PBX3: variants seen among roughly 807,000 people sequenced by gnomAD.
PBX3 encodes the protein PBX homeobox 3, also known as pre-B-cell leukemia transcription factor 3.
Under a neutral mutation model 48.5 loss-of-function variants are expected in PBX3, and 14 were observed. The observed-to-expected ratio is 0.29, with a 90% CI of 0.19 to 0.45. The LOEUF (loss-of-function observed/expected upper bound fraction) is 0.45, where lower values mean the gene tolerates loss of function less well. PBX3 is among the 20% of genes least tolerant of loss of function. The pLI is 1.00. For synonymous variants in PBX3, 210 were observed against 200.3 expected (o/e 1.05, Z -0.41); for missense variants, 386 against 546.7 (o/e 0.71, Z 2.93).
At chr9:125,862,086 C>G (rs1358331364) in intron 2 of PBX3, among the ~76,000 whole-genome samples, 3 of 152,106 alleles carry the variant, frequency 2.0e-5, no homozygotes, top group African/African-American at 7.2e-5. Context: ...AATCAGGATG[C>G]CTTTTACAGA....
chr9:125,933,759 A>G (rs1422564752), intron 4 of PBX3, among the ~76,000 whole-genome samples: 2 of 152,180 alleles, frequency 1.3e-5, no homozygotes, highest in African/African-American at 2.4e-5. Context: ...CCAATTTTTC[A>G]TAAGAAGTCA....
intron 5 of PBX3, among the ~76,000 whole-genome samples, chr9:125,936,462 G>A (rs774123756): frequency 1.6e-4 from 24 of 152,126 alleles, no homozygotes; most frequent in Non-Finnish European, 2.9e-4. Flanking sequence ...AAAAACTGAC[G>A]CTTGTCAAAA....
chr9:125,928,231 T>A (rs1841624659), intron 3 of PBX3, among the ~76,000 whole-genome samples: 2 of 151,712 alleles, frequency 1.3e-5, no homozygotes, highest in South Asian at 4.2e-4. Context: ...CATAAAAAAT[T>A]AGCTGGGTAT....
intron 3 of PBX3, among the ~76,000 whole-genome samples, chr9:125,922,543 C>T (rs181433230): frequency 1.3e-5 from 2 of 152,220 alleles, no homozygotes; most frequent in African/African-American, 4.8e-5. Context: ...GACAGTTTCA[C>T]TTGGAAAACA....
At chr9:125,817,462 A>G (rs1227343530) in intron 2 of PBX3, among the ~76,000 whole-genome samples, 2 of 152,174 alleles carry the variant, frequency 1.3e-5, no homozygotes, top group African/African-American at 4.8e-5. Flanking sequence ...GGTTTGTGCG[A>G]TAGATACATG....
chr9:125,956,755 C>T (rs931132856), intron 5 of PBX3, among the ~76,000 whole-genome samples: 1 of 152,208 alleles, frequency 6.6e-6, no homozygotes, highest in African/African-American at 2.4e-5. Context: ...CCTTGATATG[C>T]GGCTCAACAG....
chr9:125,845,511 A>T (rs916912962), intron 2 of PBX3, among the ~76,000 whole-genome samples: 2 of 152,114 alleles, frequency 1.3e-5, no homozygotes, highest in Non-Finnish European at 2.9e-5. Context: ...ATTGAAATGG[A>T]AAATCAAATG....
At chr9:125,929,293 T>C (rs1841661148) in intron 3 of PBX3, among the ~76,000 whole-genome samples, 1 of 152,250 alleles carries the variant, frequency 6.6e-6, no homozygotes, top group Non-Finnish European at 1.5e-5. Context: ...GTTGATTAAA[T>C]GTAAAACTCC....
intron 2 of PBX3, among the ~76,000 whole-genome samples, chr9:125,757,423 A>C (rs941623327): frequency 2.6e-5 from 4 of 152,104 alleles, no homozygotes; most frequent in African/African-American, 9.7e-5. Flanking sequence ...ACAGCCATCC[A>C]TGTTTTAGTT....
intron 2 of PBX3, among the ~76,000 whole-genome samples, chr9:125,842,282 A>G (rs1839308879): frequency 6.6e-6 from 1 of 152,194 alleles, no homozygotes; most frequent in African/African-American, 2.4e-5. Context: ...ATTCTAGGCA[A>G]CAGTGGCTAT....
At chr9:125,937,880 C>T (rs925643308) in intron 5 of PBX3, among the ~76,000 whole-genome samples, 9 of 152,048 alleles carry the variant, frequency 5.9e-5, no homozygotes, top group Admixed American at 2.6e-4. Flanking sequence ...AAGCTGGTCT[C>T]GAACTCCTGG....
chr9:125,891,057 A>G (rs1023825714), intron 2 of PBX3, among the ~76,000 whole-genome samples: 4 of 152,178 alleles, frequency 2.6e-5, no homozygotes, highest in African/African-American at 9.7e-5. Flanking sequence ...ATAATTTCTG[A>G]AGAAACCAGT....
At chr9:125,867,894 G>C (rs934528210) in intron 2 of PBX3, among the ~76,000 whole-genome samples, 5 of 150,826 alleles carry the variant, frequency 3.3e-5, no homozygotes, top group Admixed American at 6.6e-5. Flanking sequence ...TTTTTGTTTT[G>C]AGACAAGGTC....
rs1842442483 is a variant in PBX3, at chr9:125,962,088, T to G, written c.1010-14T>G. 1 of 1,377,376 alleles carries G rather than the reference T, an allele frequency of 7.3e-7. No individual in the cohort carries two copies. The highest frequency in any genetic ancestry group is 1.4e-5 in the African/African-American group (1 of 70,262). 85.3% of individuals were successfully genotyped at this position (1,377,376 alleles called of 1,614,324 possible). ...GCTCTCTGTTATTCAGCTACTTAAC[T>G]CTTTCCTTTCCAGGTTCTTCTGGTT... On this transcript the variant is annotated splice_polypyrimidine_tract_variant and intron_variant, in intron 6 of 8. Transcript: ENST00000373489.
chr9:125,751,174 C>T (rs1182471748), intron 2 of PBX3, among the ~76,000 whole-genome samples: 2 of 151,848 alleles, frequency 1.3e-5, no homozygotes, highest in African/African-American at 2.4e-5. Flanking sequence ...GAAAGTTTAC[C>T]TAGTCATTTA....
In PBX3 at chr9:125,777,587, C is replaced by T. The variant is rs1293946416; in HGVS notation, c.274+28964C>T. Among the ~76,000 whole-genome samples, 8 of 150,732 alleles carry T rather than the reference C, an allele frequency of 5.3e-5. No homozygotes were observed. The South Asian group carries it at 1.0e-3, about 20-fold the overall frequency. On this transcript the variant is annotated intron_variant, in intron 2 of 8. Transcript: ENST00000373489. ...CCATGTTGCCCAGGCTGGTCGCAAA[C>T]TCCTGAGCTCAGGCAATCTGCCCGC...
chr9:125,958,585 C>T (rs966282421), intron 5 of PBX3, among the ~76,000 whole-genome samples: 7 of 152,024 alleles, frequency 4.6e-5, no homozygotes, highest in African/African-American at 9.7e-5. Flanking sequence ...ACAATGGAGG[C>T]GGGGATATTG....
chr9:125,787,415 T>C (rs1179335758), intron 2 of PBX3, among the ~76,000 whole-genome samples: 2 of 152,066 alleles, frequency 1.3e-5, no homozygotes, highest in African/African-American at 2.4e-5. Flanking sequence ...GAATAGTTAC[T>C]CCAGATAATG....
chr9:125,881,358 G>T (rs1249313288), intron 2 of PBX3, among the ~76,000 whole-genome samples: 1 of 152,200 alleles, frequency 6.6e-6, no homozygotes, highest in Non-Finnish European at 1.5e-5. Context: ...TGGGATGGTA[G>T]ATTTTAACAG....
Sources: gnomAD v4.1 joint callset for allele counts (sites outside exome capture counted in the v4.1 genomes callset) on GRCh38, gnomAD v4.1.1 for gene constraint, MANE v1.5 for transcripts, NCBI Gene and HGNC (gene_info 2026-07-23, HGNC 2026-07-21) for gene names.